ZC3H6: variants seen among roughly 807,000 people sequenced by gnomAD.
The protein encoded by ZC3H6 is zinc finger CCCH domain-containing protein 6.
A neutral mutation model predicts 107.7 loss-of-function variants in ZC3H6; 40 were observed. The ratio of observed to expected loss-of-function variants is 0.37; its 90% CI spans 0.29 to 0.48. The LOEUF (loss-of-function observed/expected upper bound fraction) is 0.48. Among genes scored for constraint, ZC3H6 ranks in the 20% least tolerant of loss-of-function variants. ZC3H6 has a pLI of 0.98. For missense variants in ZC3H6, 1,267 were observed against 1,410.4 expected (o/e 0.90, Z 1.63); for synonymous variants, 493 against 487.9 (o/e 1.01, Z -0.14).
Position 112,332,575 on chromosome 2 carries a change from T to C in ZC3H6, c.*87T>C. On this transcript the variant is annotated 3_prime_UTR_variant, in exon 12 of 12. Coordinates refer to ENST00000409871, the MANE Select transcript of ZC3H6 (RefSeq NM_198581.3). The stretch of plus-strand genomic sequence containing the variant: ...TAACTGGTTTACCTCTATAGTTTAT[T>C]TATTTTTAAATTATAAACACTTTTC... 7.5e-7 allele frequency: 1 copy of C among 1,339,556 alleles called. No individual in the cohort carries two copies. Among genetic ancestry groups the C allele is most frequent in the Non-Finnish European group, 1.0e-6 (1 of 992,376 alleles). The allele number at this position is 1,339,556 out of a possible 1,614,324, so 83.0% of individuals were successfully genotyped here.
In ZC3H6 at chr2:112,333,884, A is replaced by G. The variant is rs542875427; in HGVS notation, c.*1396A>G. On this transcript the variant is annotated 3_prime_UTR_variant, in exon 12 of 12. Transcript: ENST00000409871. The stretch of plus-strand genomic sequence containing the variant: ...GGGATTTTTTTTTAAATATACAGTA[A>G]AATATTTCGTGGGAACCTAACACTC... The G allele has an allele frequency of 2.6e-5, 4 of 152,248 alleles. No individual in the cohort carries two copies. The highest frequency in any genetic ancestry group is 9.6e-5 in the African/African-American group (4 of 41,580). The allele number at this position is 152,248 out of a possible 1,614,324, so 9.4% of individuals were successfully genotyped here.
intron 2 of ZC3H6, among the ~76,000 whole-genome samples, chr2:112,301,493 A>G (rs1380697321): frequency 6.6e-6 from 1 of 152,316 alleles, no homozygotes; most frequent in East Asian, 1.9e-4. Flanking sequence ...CCCTAGAGCT[A>G]TGAAGCTAGG....
At chr2:112,322,178 CT>C (rs1208654689) in intron 8 of ZC3H6, among the ~76,000 whole-genome samples, 1 of 148,214 alleles carries the variant, frequency 6.7e-6, no homozygotes, top group Non-Finnish European at 1.5e-5. Flanking sequence ...TGCTTGCTTG[CT>C]TTTTCTTTCT....
At chr2:112,292,610 G>A (rs1041339876) in intron 1 of ZC3H6, among the ~76,000 whole-genome samples, 2 of 152,096 alleles carry the variant, frequency 1.3e-5, no homozygotes, top group African/African-American at 4.8e-5. Context: ...TTTTCTTTCA[G>A]TTTGACTATA....
chr2:112,276,203 C>T (rs1477798567), intron 1 of ZC3H6, among the ~76,000 whole-genome samples, 177 bp downstream of exon 1: 4 of 147,048 alleles, frequency 2.7e-5, no homozygotes, highest in East Asian at 2.0e-4. Flanking sequence ...GGAGGTCGGC[C>T]CGGCCGCGCC....
At chr2:112,277,328 A>G (rs1686445259) in intron 1 of ZC3H6, among the ~76,000 whole-genome samples, 1 of 152,176 alleles carries the variant, frequency 6.6e-6, no homozygotes, top group South Asian at 2.1e-4. Flanking sequence ...TGGGTTGACT[A>G]ATACCTTGCT....
At chr2:112,318,043 T>C (rs1334791843) in intron 7 of ZC3H6, among the ~76,000 whole-genome samples, 9 of 152,212 alleles carry the variant, frequency 5.9e-5, no homozygotes, top group Admixed American at 5.2e-4. Context: ...TGCTTTGCTG[T>C]GATTATTTCT....
intron 11 of ZC3H6, among the ~76,000 whole-genome samples, chr2:112,325,476 A>C (rs912901289): frequency 4.6e-5 from 7 of 152,156 alleles, no homozygotes; most frequent in Non-Finnish European, 1.0e-4. Context: ...CTCAAAAAAA[A>C]AAGGATTAAA....
intron 1 of ZC3H6, among the ~76,000 whole-genome samples, chr2:112,283,824 T>C (rs1686564390): frequency 6.6e-6 from 1 of 152,178 alleles, no homozygotes; most frequent in Admixed American, 6.5e-5. Context: ...TTTATAAATG[T>C]TTTTATTTTG....
chr2:112,291,169 A>C (rs181644957), intron 1 of ZC3H6, among the ~76,000 whole-genome samples: 1 of 152,384 alleles, frequency 6.6e-6, no homozygotes, highest in Non-Finnish European at 1.5e-5. Flanking sequence ...TTTTAGTTTC[A>C]TCTTAATCTC....
rs74908122 is a variant in ZC3H6, at chr2:112,294,448, C to T, written c.33-5401C>T. ...GAAATCCTAGAGATTCTGACACAGTCACTTGGCACATTCTGAAGATTGTCT... is the reference window on the plus strand; with the variant it reads ...GAAATCCTAGAGATTCTGACACAGTTACTTGGCACATTCTGAAGATTGTCT... On this transcript the variant is annotated intron_variant, in intron 1 of 11. Coordinates refer to ENST00000409871, the MANE Select transcript of ZC3H6 (RefSeq NM_198581.3). Among the ~76,000 whole-genome samples, 19 of 152,340 alleles carry T rather than the reference C, an allele frequency of 1.2e-4. No homozygotes were observed. In the East Asian group the frequency reaches 3.7e-3, roughly 29 times the overall value.
At position 112,325,054 on chromosome 2, in the gene ZC3H6, C is replaced by G. The variant is rs751216752; in HGVS notation, c.1943C>G (p.Thr648Ser). The G allele has an allele frequency of 6.2e-7, 1 of 1,613,898 alleles. No individual in the cohort carries two copies. The highest frequency in any genetic ancestry group is 2.2e-5 in the East Asian group (1 of 44,866). ...NHGSGSDGSS[T>S]RTGHGPLPVP... ...GGGAGTGGGTCTGATGGCAGCAGCA[C>G]TAGGACAGGCCATGGCCCTCTGCCT... Residue 648 changes from threonine (T) to serine (S), a missense_variant, in exon 11 of 12, where the codon ACT (threonine) becomes AGT (serine). Coordinates refer to ENST00000409871, the MANE Select transcript of ZC3H6 (RefSeq NM_198581.3).
At chr2:112,299,260 G>C (rs540068864) in intron 1 of ZC3H6, among the ~76,000 whole-genome samples, 5 of 142,260 alleles carry the variant, frequency 3.5e-5, no homozygotes, top group Non-Finnish European at 6.0e-5. Context: ...CTGGGCGTCA[G>C]AGTGAGACTC....
Position 112,317,413 on chromosome 2 carries a change from A to G in ZC3H6, c.976+81A>G, listed in dbSNP as rs1676719994. The stretch of plus-strand genomic sequence containing the variant: ...TGAGGTTTTAAAAAATAATAAATAC[A>G]CCCTATAAAGCCTAGTTTGGTTTTA... On this transcript the variant is annotated intron_variant, in intron 7 of 11. Transcript: ENST00000409871. 4.0e-6 allele frequency: 3 copies of G among 749,790 alleles called. No homozygotes were observed. The South Asian group carries it at 6.4e-5, about 16-fold the overall frequency. The allele number at this position is 749,790 out of a possible 1,614,324, so 46.4% of individuals were successfully genotyped here. A position where few individuals can be genotyped will look rare whatever the true frequency, so the allele number is the denominator to read the frequency against.
chr2:112,332,229 G>C lies in ZC3H6; in HGVS notation c.3311G>C (p.Gly1104Ala). 2 of 1,613,956 alleles carry C rather than the reference G, an allele frequency of 1.2e-6. No homozygotes were observed. Among genetic ancestry groups the C allele is most frequent in the Non-Finnish European group, 1.7e-6 (2 of 1,179,884 alleles). The change falls in exon 12 of 12, where the codon GGA (glycine) becomes GCA (alanine). Residue 1104 changes from glycine (G) to alanine (A), a missense_variant. Physicochemically the swap from Gly to Ala is moderately conservative, Grantham distance 60 (BLOSUM62 0). Transcript: ENST00000409871. The part of the protein sequence containing the change: ...ILPQKPSPNV[G>A]VTLEGPADPQ... ...CCACAAAAACCCAGTCCAAACGTGG[G>C]AGTCACTCTTGAGGGGCCAGCTGAC...
chr2:112,310,935 T>A (rs1432930854), intron 4 of ZC3H6, among the ~76,000 whole-genome samples: 1 of 152,240 alleles, frequency 6.6e-6, no homozygotes, highest in Non-Finnish European at 1.5e-5. Context: ...AAAATATGAA[T>A]GTAGGCTTTA....
At chr2:112,276,164 T>A (rs1194249198) in intron 1 of ZC3H6, 138 bp downstream of exon 1, 2 of 626,762 alleles carry the variant, frequency 3.2e-6, no homozygotes, top group Non-Finnish European at 4.9e-6. Flanking sequence ...CGCGCACTCT[T>A]ATGTAAACTG....
chr2:112,297,740 T>A (rs149587520), intron 1 of ZC3H6, among the ~76,000 whole-genome samples: 3 of 152,242 alleles, frequency 2.0e-5, no homozygotes, highest in African/African-American at 7.2e-5. Context: ...GGAATTGTTT[T>A]GTGGCTTGAG....
chr2:112,317,212 T>TTTTTTG lies in ZC3H6; in HGVS notation c.865-9_865-8insTTTTTG. On this transcript the variant is annotated splice_polypyrimidine_tract_variant and intron_variant, in intron 6 of 11. Coordinates refer to ENST00000409871, the MANE Select transcript of ZC3H6 (RefSeq NM_198581.3). The stretch of plus-strand genomic sequence containing the variant: ...TTTTCTTTTTTCTTTTTTTTTTTTT[T>TTTTTTG]GTGAATAGGGAGATCAGTGTAAATT... 7.2e-7 allele frequency: 1 copy of TTTTTTG among 1,383,534 alleles called. No homozygotes were observed. The allele number at this position is 1,383,534 out of a possible 1,614,324, so 85.7% of individuals were successfully genotyped here.
Sources: gnomAD v4.1 joint callset for allele counts (sites outside exome capture counted in the v4.1 genomes callset) on GRCh38, gnomAD v4.1.1 for gene constraint, MANE v1.5 for transcripts, NCBI Gene and HGNC (gene_info 2026-07-23, HGNC 2026-07-21) for gene names.